The following NAALADL2 variants were observed in gnomAD, a reference collection of about 807,000 sequenced individuals.
NAALADL2 encodes the protein N-acetylated alpha-linked acidic dipeptidase like 2, also known as inactive N-acetylated-alpha-linked acidic dipeptidase-like protein 2.
In NAALADL2, 76 loss-of-function variants were observed where a neutral mutation model predicts 87.2. The observed-to-expected ratio is 0.87, with a 90% CI of 0.72 to 1.05. The LOEUF is 1.05. Ranked by LOEUF, NAALADL2 falls within the 50% of genes least tolerant of loss-of-function variation. The pLI is 0.00. For missense variants in NAALADL2, 1,089 were observed against 945.8 expected (o/e 1.15, Z -1.99); for synonymous variants, 354 against 331.0 (o/e 1.07, Z -0.75).
Position 175,163,829 on chromosome 3 carries a change from A to G in NAALADL2, c.545+66538A>G, listed in dbSNP as rs1733588600. On this transcript the variant is annotated intron_variant, in intron 2 of 13. Coordinates refer to ENST00000454872, the MANE Select transcript of NAALADL2 (RefSeq NM_207015.3). ...GTACCAGAGGGGCAGCTGCTCACAC[A>G]CTGGGGAAGAAAATTCAATGATTCA... is the stretch of plus-strand genomic sequence containing the variant. Among the ~76,000 whole-genome samples, 3 of 152,320 alleles carry G rather than the reference A, an allele frequency of 2.0e-5. No individual in the cohort carries two copies. In the South Asian group the frequency reaches 6.2e-4, roughly 32 times the overall value.
At chr3:174,833,314 T>A (rs1331336284) in intron 3 of NAALADL2, among the ~76,000 whole-genome samples, 1 of 152,108 alleles carries the variant, frequency 6.6e-6, no homozygotes, top group Non-Finnish European at 1.5e-5. Context: ...TCAGATGAAG[T>A]GAACAAATTT....
At chr3:174,482,571 T>C (rs1321815208) in intron 1 of NAALADL2, among the ~76,000 whole-genome samples, 1 of 151,982 alleles carries the variant, frequency 6.6e-6, no homozygotes, top group African/African-American at 2.4e-5. Context: ...CCAGATCTGG[T>C]TTATAGATTT....
chr3:175,573,486 G>T (rs1352329951), intron 9 of NAALADL2, among the ~76,000 whole-genome samples: 1 of 152,200 alleles, frequency 6.6e-6, no homozygotes. Context: ...AGTAGAGCAG[G>T]CTCAATGTGA....
rs78562619 is a variant in NAALADL2, at chr3:174,872,733, T to C, written c.43+13283T>C. Among the ~76,000 whole-genome samples the C allele has an allele frequency of 6.9e-3, 1,022 of 148,566 alleles. 8 individuals carry two copies. Among genetic ancestry groups the C allele is most frequent in the African/African-American group, 0.022 (888 of 40,774 alleles). On this transcript the variant is annotated intron_variant, in intron 1 of 13. Transcript: ENST00000454872. ...CAATGTATTCATCTACACACACACA[T>C]ACACACACACACACACACACACATT... is the stretch of plus-strand genomic sequence containing the variant.
At chr3:175,189,993 C>A (rs1357477102) in intron 2 of NAALADL2, among the ~76,000 whole-genome samples, 1 of 152,092 alleles carries the variant, frequency 6.6e-6, no homozygotes, top group Non-Finnish European at 1.5e-5. Context: ...AAAGGACAGT[C>A]TTTTCAATAA....
chr3:175,527,602 G>A (rs1180848275), intron 9 of NAALADL2, among the ~76,000 whole-genome samples: 1 of 152,028 alleles, frequency 6.6e-6, no homozygotes, highest in Non-Finnish European at 1.5e-5. Context: ...GTTAGAAAAG[G>A]CATTTTAACA....
intron 11 of NAALADL2, among the ~76,000 whole-genome samples, chr3:175,723,723 G>T (rs1180662338): frequency 6.6e-6 from 1 of 151,992 alleles, no homozygotes; most frequent in Admixed American, 6.6e-5. Flanking sequence ...GGGATCCCTT[G>T]CAACATAATC....
At chr3:174,645,616 T>C (rs948692903) in intron 2 of NAALADL2, among the ~76,000 whole-genome samples, 38 of 152,200 alleles carry the variant, frequency 2.5e-4, no homozygotes, top group African/African-American at 8.4e-4. Context: ...CATTCAAAGG[T>C]AATTTATTTT....
At position 174,794,634 on chromosome 3, in the gene NAALADL2, C is replaced by T. The variant is rs546389420; in HGVS notation, c.-9+56888C>T. On this transcript the variant is annotated intron_variant, in intron 3 of 3. Coordinates refer to the NAALADL2 transcript ENST00000434257. ...AGAGCTTATTAAATGTTAGACACTACGGCTCTTCCCATGTGGAGCATACTA... is the reference window on the plus strand; with the variant it reads ...AGAGCTTATTAAATGTTAGACACTATGGCTCTTCCCATGTGGAGCATACTA... 1.4e-4 allele frequency among the ~76,000 whole-genome samples: 22 copies of T among 152,232 alleles called. 1 individual carries two copies. Among genetic ancestry groups the T allele is most frequent in the Admixed American group, 9.2e-4 (14 of 15,292 alleles).
intron 5 of NAALADL2, among the ~76,000 whole-genome samples, chr3:175,383,225 G>C (rs1032417443): frequency 6.6e-6 from 1 of 151,916 alleles, no homozygotes; most frequent in African/African-American, 2.4e-5. Flanking sequence ...AATACATGTT[G>C]TTGTTGTTGT....
intron 4 of NAALADL2, among the ~76,000 whole-genome samples, chr3:175,263,180 T>A (rs1324260979): frequency 6.6e-6 from 1 of 151,924 alleles, no homozygotes; most frequent in African/African-American, 2.4e-5. Context: ...TGTTTTCCAA[T>A]GATGGAAGTA....
At chr3:174,999,075 A>G (rs1011282927) in intron 1 of NAALADL2, among the ~76,000 whole-genome samples, 2 of 152,198 alleles carry the variant, frequency 1.3e-5, no homozygotes, top group Admixed American at 1.3e-4. Flanking sequence ...CACAATTGTT[A>G]TTGATACATT....
intron 11 of NAALADL2, among the ~76,000 whole-genome samples, chr3:175,693,044 A>G (rs1426370512): frequency 2.0e-5 from 3 of 152,206 alleles, no homozygotes; most frequent in Admixed American, 6.5e-5. Context: ...AAAATCAGCC[A>G]AGGGAATAGA....
rs775778803 is a variant in NAALADL2 at position 175,393,280 on chromosome 3, C to CAAAAAAAAAAA, written c.1091-53923_1091-53913dup. Among the ~76,000 whole-genome samples the CAAAAAAAAAAA allele has an allele frequency of 1.2e-3, 35 of 29,520 alleles. 4 individuals carry two copies. The highest frequency in any genetic ancestry group is 3.9e-3 in the African/African-American group (27 of 6,992). The allele number at this position is 29,520 out of a possible 152,430, so 19.4% of individuals were successfully genotyped here. A position where few individuals can be genotyped will look rare whatever the true frequency, so the allele number is the denominator to read the frequency against. On this transcript the variant is annotated intron_variant, in intron 5 of 13. Transcript: ENST00000454872. ...TGGGCGACAGAGCGAGACTCCGTCT[C>CAAAAAAAAAAA]AAAAAAAAAAAAAAAAAAAAAAAAA...
rs536307799 is a variant in NAALADL2 at position 175,409,225 on chromosome 3, G to C, written c.1091-38004G>C. Among the ~76,000 whole-genome samples, 23 of 151,714 alleles carry C rather than the reference G, an allele frequency of 1.5e-4. 1 individual carries two copies. The South Asian group carries it at 4.8e-3, about 32-fold the overall frequency. ...AAACCATAAACTCTATAGTTGTGGA[G>C]ACATGGAGAAATTTCTAAAAGTCAT... On this transcript the variant is annotated intron_variant, in intron 5 of 13. Transcript: ENST00000454872.
intron 4 of NAALADL2, among the ~76,000 whole-genome samples, chr3:175,272,006 A>G (rs1428094101): frequency 1.3e-5 from 2 of 152,180 alleles, no homozygotes; most frequent in Admixed American, 6.5e-5. Flanking sequence ...TATATTTAGT[A>G]TATGTTGCAT....
At chr3:174,576,791 G>A (rs1012087188) in intron 2 of NAALADL2, among the ~76,000 whole-genome samples, 1 of 152,102 alleles carries the variant, frequency 6.6e-6, no homozygotes, top group Non-Finnish European at 1.5e-5. Flanking sequence ...TATTTTAAGA[G>A]AAGTAAAAAA....
chr3:175,541,877 C>G (rs757569941), intron 9 of NAALADL2, among the ~76,000 whole-genome samples: 1 of 152,124 alleles, frequency 6.6e-6, no homozygotes, highest in Non-Finnish European at 1.5e-5. Context: ...TGTGACACCA[C>G]GCCCAGCTAA....
At chr3:175,107,035 C>T (rs563514310) in intron 2 of NAALADL2, among the ~76,000 whole-genome samples, 1 of 151,940 alleles carries the variant, frequency 6.6e-6, no homozygotes, top group South Asian at 2.1e-4. Context: ...TGATGAACAC[C>T]CTCACTCTAC....
Sources: gnomAD v4.1 joint callset for allele counts (sites outside exome capture counted in the v4.1 genomes callset) on GRCh38, gnomAD v4.1.1 for gene constraint, MANE v1.5 for transcripts, NCBI Gene and HGNC (gene_info 2026-07-23, HGNC 2026-07-21) for gene names.